ZNF540: variants seen among roughly 807,000 people sequenced by gnomAD.
The protein encoded by ZNF540 is zinc finger protein 540, also known as CTD-3064H18.6.
ZNF540 carries 3 observed loss-of-function variants against 11.8 expected under a neutral mutation model. The observed-to-expected ratio is 0.25, with a 90% confidence interval of 0.12 to 0.65. The LOEUF (loss-of-function observed/expected upper bound fraction) is 0.65, where lower values mean the gene tolerates loss of function less well. Ranked by LOEUF, ZNF540 falls within the 30% of genes least tolerant of loss-of-function variation. ZNF540 has a pLI of 0.83. For synonymous variants in ZNF540, 247 were observed against 259.0 expected (o/e 0.95, Z 0.45); for missense variants, 709 against 793.1 (o/e 0.89, Z 1.27).
intron 1 of ZNF540, chr19:37,575,779 G>C (rs1203390876): frequency 6.6e-6 from 1 of 152,152 alleles, no homozygotes; most frequent in Non-Finnish European, 1.5e-5. Context: ...CAACATGGCT[G>C]TCACGGACTT....
chr19:37,608,211 T>C (rs1401689511), intron 4 of ZNF540, among the ~76,000 whole-genome samples: 1 of 152,236 alleles, frequency 6.6e-6, no homozygotes, highest in Admixed American at 6.5e-5. Context: ...AGTTCTTGGA[T>C]ATCTGTTCTG....
chr19:37,553,702 G>A (rs959798355), intron 1 of ZNF540, among the ~76,000 whole-genome samples: 3 of 139,324 alleles, frequency 2.2e-5, no homozygotes, highest in Admixed American at 1.5e-4. Flanking sequence ...TCAATGTCTA[G>A]TTTTACATAT....
chr19:37,580,875 T>G (rs1600511004), intron 1 of ZNF540, among the ~76,000 whole-genome samples: 1 of 152,312 alleles, frequency 6.6e-6, no homozygotes, highest in African/African-American at 2.4e-5. Context: ...CTCTTGTCTG[T>G]ATAAATTACC....
At position 37,613,664 on chromosome 19, in the gene ZNF540, TTTA is replaced by T. The variant is rs2044150588; in HGVS notation, c.*406_*408del. ...TGGATTAATATTGGATATTACTGTTTTTATTATCATCAACATTATTATTAGTGG... is the reference window on the plus strand; with the variant it reads ...TGGATTAATATTGGATATTACTGTTTTTATCATCAACATTATTATTAGTGG... On this transcript the variant is annotated 3_prime_UTR_variant, in exon 5 of 5. Coordinates refer to ENST00000316433, the MANE Select transcript of ZNF540 (RefSeq NM_001172225.3). The T allele has an allele frequency of 2.5e-6, 1 of 397,078 alleles. No individual in the cohort carries two copies. The highest frequency in any genetic ancestry group is 4.4e-6 in the Non-Finnish European group (1 of 225,804). 24.6% of individuals were successfully genotyped at this position (397,078 alleles called of 1,614,324 possible). A position where few individuals can be genotyped will look rare whatever the true frequency, so the allele number is the denominator to read the frequency against.
intron 1 of ZNF540, among the ~76,000 whole-genome samples, chr19:37,580,219 A>G (rs901526074): frequency 6.6e-6 from 1 of 152,212 alleles, no homozygotes; most frequent in Admixed American, 6.5e-5. Context: ...TCCTGCTGAC[A>G]GTTGGAGGCC....
chr19:37,612,012 A>G lies in ZNF540; in HGVS notation c.732A>G (p.Glu244=), dbSNP rs1184438532. The G allele has an allele frequency of 6.2e-7, 1 of 1,613,586 alleles. No homozygotes were observed. The highest frequency in any genetic ancestry group is 8.5e-7 in the Non-Finnish European group (1 of 1,179,958). Residue 244 remains glutamate, a synonymous_variant, in exon 5 of 5, where the codon GAA becomes GAG. Coordinates refer to ENST00000316433, the MANE Select transcript of ZNF540 (RefSeq NM_001172225.3). ...TTCATACTGGTGAGAAACCCTATGA[A>G]TGTCAAGAATGTGGGAAGACCTTTA... ...QRFHTGEKPY[E]CQECGKTFTL... is the part of the protein sequence containing the mutation.
At chr19:37,573,781 C>T (rs1232460983) in intron 1 of ZNF540, among the ~76,000 whole-genome samples, 1 of 148,346 alleles carries the variant, frequency 6.7e-6, no homozygotes, top group African/African-American at 2.5e-5. Context: ...TGCAGTGAGC[C>T]GTGACTGTGC....
rs770920598 is a variant in ZNF540, at chr19:37,612,017, A to C, written c.737A>C (p.Gln246Pro). The change falls in exon 5 of 5, where the codon CAA becomes CCA. Residue 246 changes from glutamine to proline, a missense_variant. By Grantham distance (76) the Gln-to-Pro change is moderately conservative. Transcript: ENST00000316433. The stretch of plus-strand genomic sequence containing the variant: ...ACTGGTGAGAAACCCTATGAATGTC[A>C]AGAATGTGGGAAGACCTTTACTCTT... ...FHTGEKPYEC[Q>P]ECGKTFTLYP... The C allele has an allele frequency of 6.2e-7, 1 of 1,613,746 alleles. No individual in the cohort carries two copies. The highest frequency in any genetic ancestry group is 1.1e-5 in the South Asian group (1 of 91,062).
intron 4 of ZNF540, among the ~76,000 whole-genome samples, chr19:37,604,275 G>T (rs2044063842): frequency 7.7e-6 from 1 of 130,026 alleles, no homozygotes. Context: ...GCATTACATA[G>T]AGCTTTGGAA....
chr19:37,613,123 G>C lies in ZNF540; in HGVS notation c.1843G>C (p.Ala615Pro), dbSNP rs948432598. Residue 615 changes from alanine to proline, a missense_variant, in exon 5 of 5, where the codon GCC (alanine) becomes CCC (proline). By Grantham distance (27) the Ala-to-Pro change is conservative. Transcript: ENST00000316433. ...CTATGAGTGTAAACAATGTGGGAAG[G>C]CCTTTAGACTTAATTCACACCTTAC... ...KPYECKQCGK[A>P]FRLNSHLTEH... The C allele has an allele frequency of 6.2e-7, 1 of 1,613,638 alleles. No homozygotes were observed. The highest frequency in any genetic ancestry group is 1.1e-5 in the South Asian group (1 of 91,032).
At chr19:37,595,506 T>TAGTG (rs2043982895) in intron 1 of ZNF540, 1 of 152,218 alleles carries the variant, frequency 6.6e-6, no homozygotes, top group Admixed American at 6.5e-5. Context: ...TATATAAATG[T>TAGTG]AGTGAATGAT....
chr19:37,565,862 T>G lies in ZNF540; in HGVS notation c.-73+14197T>G, dbSNP rs369602439. 5 of 1,613,948 alleles carry G rather than the reference T, an allele frequency of 3.1e-6. No homozygotes were observed. Among genetic ancestry groups the G allele is most frequent in the Non-Finnish European group, 3.4e-6 (4 of 1,179,876 alleles). On this transcript the variant is annotated intron_variant, in intron 1 of 4. Transcript: ENST00000592533. ...ACACTCATAAGGTTTCTCACCAGTCTGAATTCTCTGATGTTGAATATAGCT... is the reference window on the plus strand; with the variant it reads ...ACACTCATAAGGTTTCTCACCAGTCGGAATTCTCTGATGTTGAATATAGCT...
chr19:37,578,560 A>AC (rs1254374392), intron 1 of ZNF540, among the ~76,000 whole-genome samples: 1 of 152,144 alleles, frequency 6.6e-6, no homozygotes, highest in Non-Finnish European at 1.5e-5. Context: ...AGCTGCCATA[A>AC]CCCCAGTGGA....
At chr19:37,574,444 A>G (rs564107317) in intron 1 of ZNF540, among the ~76,000 whole-genome samples, 31 of 152,214 alleles carry the variant, frequency 2.0e-4, no homozygotes, top group Non-Finnish European at 3.8e-4. Flanking sequence ...ATCTCCAAAA[A>G]TATTATTCCC....
chr19:37,572,182 A>G (rs2043083828), intron 1 of ZNF540, among the ~76,000 whole-genome samples: 1 of 150,852 alleles, frequency 6.6e-6, no homozygotes, highest in East Asian at 2.0e-4. Context: ...TAGGACCCAT[A>G]CACTGTAAAC....
At chr19:37,596,771 G>A (rs1183313094) in intron 1 of ZNF540, among the ~76,000 whole-genome samples, 2 of 152,116 alleles carry the variant, frequency 1.3e-5, no homozygotes, top group African/African-American at 2.4e-5. Flanking sequence ...AACATGGCGT[G>A]AGGGCATCTA....
At chr19:37,566,454 T>A in intron 1 of ZNF540, 1 of 766,900 alleles carries the variant, frequency 1.3e-6, no homozygotes, top group Non-Finnish European at 2.0e-6. Context: ...AAGGAGAGAA[T>A]AAAGAAAAAG....
Position 37,599,771 on chromosome 19 carries a change from A to G in ZNF540, c.136+19A>G. The G allele has an allele frequency of 2.5e-6, 4 of 1,574,552 alleles. No individual in the cohort carries two copies. The highest frequency in any genetic ancestry group is 3.5e-6 in the Non-Finnish European group (4 of 1,159,064). On this transcript the variant is annotated intron_variant, in intron 3 of 4. Transcript: ENST00000316433. Reference sequence around the variant, plus strand: ...TCACTGGGTAAGGTCACCTATGTCAAATAATGTAGACTCTGTTATCTGAAA... The same window carrying G: ...TCACTGGGTAAGGTCACCTATGTCAGATAATGTAGACTCTGTTATCTGAAA...
At chr19:37,599,382 G>T (rs577729031) in intron 2 of ZNF540, among the ~76,000 whole-genome samples, 1 of 152,226 alleles carries the variant, frequency 6.6e-6, no homozygotes, top group East Asian at 1.9e-4. Flanking sequence ...AATGTTTTGA[G>T]TAGTTAAAGA....
Sources: gnomAD v4.1 joint callset for allele counts (sites outside exome capture counted in the v4.1 genomes callset) on GRCh38, gnomAD v4.1.1 for gene constraint, MANE v1.5 for transcripts, NCBI Gene and HGNC (gene_info 2026-07-23, HGNC 2026-07-21) for gene names.